ARHGEF37: variants seen among roughly 807,000 people sequenced by gnomAD.
ARHGEF37 encodes Rho guanine nucleotide exchange factor (GEF) 37.
Under a neutral mutation model 71.1 loss-of-function variants are expected in ARHGEF37, and 55 were observed. The ratio of observed to expected loss-of-function variants is 0.77; its 90% confidence interval spans 0.62 to 0.97. The LOEUF (loss-of-function observed/expected upper bound fraction) is 0.97, where lower values mean the gene tolerates loss of function less well. Among genes scored for constraint, ARHGEF37 ranks in the 50% least tolerant of loss-of-function variants. The pLI is 0.00. For missense variants in ARHGEF37, 765 were observed against 836.8 expected (o/e 0.91, Z 1.06); for synonymous variants, 327 against 350.6 (o/e 0.93, Z 0.75).
intron 1 of ARHGEF37, among the ~76,000 whole-genome samples, chr5:149,558,579 T>C (rs1471793379): frequency 6.6e-6 from 1 of 151,744 alleles, no homozygotes; most frequent in African/African-American, 2.4e-5. Context: ...TGGTCTTGAA[T>C]ACCTGGGCTC....
intron 5 of ARHGEF37, among the ~76,000 whole-genome samples, chr5:149,617,957 G>A (rs374588487): frequency 6.6e-6 from 1 of 152,228 alleles, no homozygotes; most frequent in East Asian, 1.9e-4. Context: ...GCCCCAAGGA[G>A]TGGTGACTTC....
Position 149,604,676 on chromosome 5 carries a change from A to ATT in ARHGEF37, c.310+3468_310+3469dup, listed in dbSNP as rs528100482. Among the ~76,000 whole-genome samples the ATT allele has an allele frequency of 5.3e-3, 489 of 91,682 alleles. 13 individuals are homozygous for ATT. Among genetic ancestry groups the ATT allele is most frequent in the African/African-American group, 0.014 (314 of 23,058 alleles). The allele number at this position is 91,682 out of a possible 152,430, so 60.1% of individuals were successfully genotyped here. On this transcript the variant is annotated intron_variant, in intron 3 of 12. Transcript: ENST00000333677. ...CTTTTCCCAGTAAGGCAGCAACACC[A>ATT]TTTTTTTTTTTTTTTTTTTTTTTTG...
chr5:149,613,701 C>G (rs1011409983), intron 4 of ARHGEF37, among the ~76,000 whole-genome samples: 3 of 151,456 alleles, frequency 2.0e-5, no homozygotes, highest in Non-Finnish European at 4.4e-5. Flanking sequence ...TACATTTATG[C>G]TTAACCATAG....
At chr5:149,598,530 C>T (rs1479290454) in intron 2 of ARHGEF37, among the ~76,000 whole-genome samples, 1 of 150,228 alleles carries the variant, frequency 6.7e-6, no homozygotes, top group Non-Finnish European at 1.5e-5. Context: ...CTTCAAGGGT[C>T]TCTTTATTCG....
intron 2 of ARHGEF37, among the ~76,000 whole-genome samples, chr5:149,600,530 A>T (rs1042592822): frequency 1.3e-5 from 2 of 152,212 alleles, no homozygotes; most frequent in Admixed American, 1.3e-4. Flanking sequence ...ACAGATGGGG[A>T]AACTGAGAGA....
Position 149,620,380 on chromosome 5 carries a change from A to G in ARHGEF37, c.921A>G (p.Glu307=), listed in dbSNP as rs1752504071. The change falls in exon 8 of 13, where the codon GAA becomes GAG. Residue 307 remains glutamate (E), a synonymous_variant. Transcript: ENST00000333677. ...CTTTCCTCTACTTCAGGCCGCACGA[A>G]TACAATCTGGACATCCCCGAGGGGC... ...LQAFLYFRPH[E]YNLDIPEGPA... The G allele has an allele frequency of 6.2e-7, 1 of 1,612,216 alleles. No homozygotes were observed. The highest frequency in any genetic ancestry group is 1.1e-5 in the South Asian group (1 of 90,772).
intron 1 of ARHGEF37, among the ~76,000 whole-genome samples, chr5:149,591,393 T>A (rs1322018737): frequency 2.0e-5 from 3 of 152,122 alleles, no homozygotes; most frequent in African/African-American, 7.2e-5. Flanking sequence ...AGCCTTTGTC[T>A]TTTTTTAAGA....
At chr5:149,592,768 T>C (rs987845781) in intron 1 of ARHGEF37, among the ~76,000 whole-genome samples, 1 of 151,816 alleles carries the variant, frequency 6.6e-6, no homozygotes, top group Non-Finnish European at 1.5e-5. Context: ...GTTTGTTTGT[T>C]TTTGTTTTTG....
chr5:149,623,921 T>C lies in ARHGEF37; in HGVS notation c.1336-91T>C, dbSNP rs567613692. On this transcript the variant is annotated intron_variant, in intron 9 of 12. Coordinates refer to ENST00000333677, the MANE Select transcript of ARHGEF37 (RefSeq NM_001001669.3). ...AGGACAGAGTATCACTCAGAACTCCTTGGGTTGAAAATAATATAAACCCAA... is the reference window on the plus strand; with the variant it reads ...AGGACAGAGTATCACTCAGAACTCCCTGGGTTGAAAATAATATAAACCCAA... 1.7e-5 allele frequency: 25 copies of C among 1,484,478 alleles called. 1 individual carries two copies. The highest frequency in any genetic ancestry group is 1.4e-4 in the South Asian group (10 of 72,688). 92.0% of individuals were successfully genotyped at this position (1,484,478 alleles called of 1,614,324 possible).
upstream of ARHGEF37, among the ~76,000 whole-genome samples, chr5:149,577,494 T>A (rs1763040323): frequency 6.6e-6 from 1 of 152,194 alleles, no homozygotes; most frequent in African/African-American, 2.4e-5. Flanking sequence ...CTTCTTTTGC[T>A]TACCTCTGGA....
upstream of ARHGEF37, among the ~76,000 whole-genome samples, chr5:149,579,325 G>C (rs2113257392): frequency 6.6e-6 from 1 of 152,326 alleles, no homozygotes. Context: ...CTAGGAATCA[G>C]TCTCAGCTTT....
chr5:149,625,163 C>T (rs1488371771), intron 10 of ARHGEF37, among the ~76,000 whole-genome samples: 1 of 152,160 alleles, frequency 6.6e-6, no homozygotes, highest in African/African-American at 2.4e-5. Flanking sequence ...CCTCAGCCTC[C>T]CAAAGTGTTG....
intron 12 of ARHGEF37, among the ~76,000 whole-genome samples, chr5:149,630,409 A>G (rs1044653863): frequency 6.6e-6 from 1 of 152,180 alleles, no homozygotes; most frequent in Non-Finnish European, 1.5e-5. Flanking sequence ...AAGCAGGAGC[A>G]ACAGAAAGGA....
chr5:149,585,390 A>T (rs1415180260), intron 1 of ARHGEF37, among the ~76,000 whole-genome samples: 1 of 152,260 alleles, frequency 6.6e-6, no homozygotes, highest in East Asian at 1.9e-4. Context: ...GTATATCCAT[A>T]TAACAGAATT....
At chr5:149,559,238 T>G (rs1164064271) in intron 1 of ARHGEF37, among the ~76,000 whole-genome samples, 1 of 152,156 alleles carries the variant, frequency 6.6e-6, no homozygotes, top group Admixed American at 6.5e-5. Flanking sequence ...GGAGAATTGC[T>G]TGAACCCAGG....
chr5:149,572,981 G>A (rs1340591031), intron 1 of ARHGEF37, among the ~76,000 whole-genome samples: 1 of 152,088 alleles, frequency 6.6e-6, no homozygotes, highest in African/African-American at 2.4e-5. Context: ...TCAAAGGCGT[G>A]GCCCTGGCTT....
intron 3 of ARHGEF37, 40 bp downstream of exon 3, chr5:149,601,271 C>T (rs761663294): frequency 6.3e-7 from 1 of 1,595,946 alleles, no homozygotes. Flanking sequence ...CTTAGATTCT[C>T]ATGGAACTGT....
intron 7 of ARHGEF37, among the ~76,000 whole-genome samples, chr5:149,619,544 G>T (rs1177405506): frequency 7.2e-5 from 11 of 152,116 alleles, no homozygotes; most frequent in Non-Finnish European, 1.3e-4. Flanking sequence ...CCTCAGCTCT[G>T]GGGGGTTGTT....
At chr5:149,568,701 C>T (rs1048344147) in intron 1 of ARHGEF37, among the ~76,000 whole-genome samples, 7 of 150,764 alleles carry the variant, frequency 4.6e-5, no homozygotes, top group Non-Finnish European at 2.9e-5. Context: ...ATCTCAGTTA[C>T]TTGGGAGGCT....
Sources: allele counts gnomAD v4.1 joint callset (sites outside exome capture counted in the v4.1 genomes callset), GRCh38; gene constraint gnomAD v4.1.1; transcripts MANE v1.5; gene names NCBI Gene and HGNC (gene_info 2026-07-23, HGNC 2026-07-21).